DCLK1: variants seen among roughly 807,000 people sequenced by gnomAD.
The protein encoded by DCLK1 is serine/threonine-protein kinase DCLK1.
In DCLK1, 16 loss-of-function variants were observed where a neutral mutation model predicts 86.2. The observed-to-expected ratio is 0.19, with a 90% CI of 0.13 to 0.28. The LOEUF (loss-of-function observed/expected upper bound fraction) is 0.28, where lower values mean the gene tolerates loss of function less well. DCLK1 is among the 10% of genes least tolerant of loss of function. DCLK1 has a pLI of 1.00. For synonymous variants in DCLK1, 369 were observed against 370.5 expected (o/e 1.00, Z 0.05); for missense variants, 590 against 940.2 (o/e 0.63, Z 4.87).
At chr13:35,807,688 A>G (rs2087055898) in intron 14 of DCLK1, among the ~76,000 whole-genome samples, 1 of 152,236 alleles carries the variant, frequency 6.6e-6, no homozygotes, top group African/African-American at 2.4e-5. Context: ...AGACATGCCT[A>G]CTTATTTATA....
intron 3 of DCLK1, among the ~76,000 whole-genome samples, chr13:36,079,843 G>A (rs1412952025): frequency 1.3e-5 from 2 of 152,204 alleles, no homozygotes; most frequent in Non-Finnish European, 2.9e-5. Context: ...GACTTGTGAT[G>A]CTGCACATAG....
chr13:36,071,109 G>A (rs1416114557), intron 3 of DCLK1, among the ~76,000 whole-genome samples: 1 of 151,940 alleles, frequency 6.6e-6, no homozygotes, highest in Non-Finnish European at 1.5e-5. Context: ...TCTTCTGCTT[G>A]TAGCATTTTA....
intron 3 of DCLK1, among the ~76,000 whole-genome samples, chr13:36,005,733 C>T (rs1342730789): frequency 1.3e-5 from 2 of 152,262 alleles, no homozygotes; most frequent in South Asian, 2.1e-4. Context: ...ATTAGCAGCA[C>T]TATTTCCAAT....
intron 6 of DCLK1, among the ~76,000 whole-genome samples, chr13:35,844,825 G>A (rs1870058024): frequency 6.6e-6 from 1 of 152,148 alleles, no homozygotes; most frequent in Non-Finnish European, 1.5e-5. Flanking sequence ...GATCATTGCT[G>A]TGGACATTTA....
chr13:35,826,003 G>A lies in DCLK1; in HGVS notation c.1407+1632C>T, dbSNP rs371955868. 4.0e-5 allele frequency among the ~76,000 whole-genome samples: 6 copies of A among 151,604 alleles called. No homozygotes were observed. The East Asian group carries it at 1.0e-3, about 25-fold the overall frequency. On this transcript the variant is annotated intron_variant, in intron 10 of 16. Coordinates refer to ENST00000360631, the MANE Select transcript of DCLK1 (RefSeq NM_001330071.2). ...AATTTTTTGTATTTTTAGTAGAGAC[G>A]GGGTTTCACCATGTTGGCCAGGATG...
chr13:35,915,947 A>G (rs1875378948), intron 4 of DCLK1, among the ~76,000 whole-genome samples: 1 of 152,204 alleles, frequency 6.6e-6, no homozygotes, highest in Admixed American at 6.5e-5. Flanking sequence ...GCAAAGAAGA[A>G]TAAGAGTAAG....
chr13:35,994,952 G>A (rs549438471), intron 3 of DCLK1, among the ~76,000 whole-genome samples: 3 of 152,328 alleles, frequency 2.0e-5, no homozygotes, highest in African/African-American at 7.2e-5. Flanking sequence ...CCATCATTAA[G>A]GTTCATTCAA....
At chr13:35,847,672 T>A in intron 6 of DCLK1, 1 of 767,484 alleles carries the variant, frequency 1.3e-6, no homozygotes, top group East Asian at 1.8e-4. Context: ...AGCCCAATCA[T>A]GTATAGATCT....
chr13:35,815,389 C>T (rs2087245037), intron 11 of DCLK1, among the ~76,000 whole-genome samples: 2 of 152,178 alleles, frequency 1.3e-5, no homozygotes, highest in African/African-American at 4.8e-5. Context: ...GCACTAAAAG[C>T]TGACTAATGT....
chr13:35,796,013 A>G (rs887421998), intron 15 of DCLK1, among the ~76,000 whole-genome samples: 6 of 152,100 alleles, frequency 3.9e-5, no homozygotes, highest in Non-Finnish European at 7.4e-5. Flanking sequence ...GTTGGACAAT[A>G]GCGTTTGGGA....
intron 3 of DCLK1, among the ~76,000 whole-genome samples, chr13:36,067,969 G>A (rs1454228635): frequency 6.6e-6 from 1 of 152,078 alleles, no homozygotes; most frequent in Non-Finnish European, 1.5e-5. Flanking sequence ...CTACATATTA[G>A]GGAGCAAAAA....
chr13:35,854,305 T>A (rs1371574469), intron 6 of DCLK1, among the ~76,000 whole-genome samples, 194 bp downstream of exon 6: 2 of 152,164 alleles, frequency 1.3e-5, no homozygotes, highest in African/African-American at 2.4e-5. Flanking sequence ...AGAGTTAAGA[T>A]TTGGACAAGG....
intron 3 of DCLK1, among the ~76,000 whole-genome samples, chr13:36,108,075 T>TA (rs11297157): frequency 1.7e-3 from 247 of 148,526 alleles, no homozygotes; most frequent in Admixed American, 2.3e-3. Flanking sequence ...GGCCCAGATT[T>TA]AAAAAAAAAA....
chr13:36,000,605 G>A (rs985649806), intron 3 of DCLK1, among the ~76,000 whole-genome samples: 3 of 152,052 alleles, frequency 2.0e-5, no homozygotes, highest in Non-Finnish European at 2.9e-5. Flanking sequence ...GTCATCGAAA[G>A]CAACCTAACT....
rs540715942 is a variant in DCLK1 at position 35,998,130 on chromosome 13, A to T, written c.724-50673T>A. 2.5e-3 allele frequency among the ~76,000 whole-genome samples: 373 copies of T among 152,234 alleles called. 3 individuals are homozygous for T. The highest frequency in any genetic ancestry group is 8.5e-3 in the African/African-American group (352 of 41,554). ...TCAACTGCCCTAAAATTTTAACATA[A>T]TTTTTTAAATTCTGAATAAAATTAA... On this transcript the variant is annotated intron_variant, in intron 3 of 16. Coordinates refer to ENST00000360631, the MANE Select transcript of DCLK1 (RefSeq NM_001330071.2).
In DCLK1 at chr13:36,126,170, A is replaced by C; in HGVS notation, c.-19-14T>G. 1 of 1,534,968 alleles carries C rather than the reference A, an allele frequency of 6.5e-7. No homozygotes were observed. The highest frequency in any genetic ancestry group is 8.7e-7 in the Non-Finnish European group (1 of 1,148,130). Reference sequence around the variant, plus strand: ...TTCAAGTAGGACCTACGAGCCCCAGAAACAAAAGCAGACACACATATTGAT... The same window carrying C: ...TTCAAGTAGGACCTACGAGCCCCAGCAACAAAAGCAGACACACATATTGAT... On this transcript the variant is annotated splice_polypyrimidine_tract_variant and intron_variant, in intron 1 of 16. Coordinates refer to ENST00000360631, the MANE Select transcript of DCLK1 (RefSeq NM_001330071.2).
At chr13:36,004,220 T>A (rs1424368319) in intron 3 of DCLK1, among the ~76,000 whole-genome samples, 1 of 152,218 alleles carries the variant, frequency 6.6e-6, no homozygotes, top group African/African-American at 2.4e-5. Context: ...GATCACAAAA[T>A]GATTCCACTG....
At chr13:35,832,874 A>T (rs1869065792) in intron 8 of DCLK1, among the ~76,000 whole-genome samples, 1 of 152,210 alleles carries the variant, frequency 6.6e-6, no homozygotes, top group Non-Finnish European at 1.5e-5. Context: ...GAAGAACAGT[A>T]ATCCACTAGC....
At chr13:36,039,390 G>A (rs1023314203) in intron 3 of DCLK1, among the ~76,000 whole-genome samples, 1 of 152,144 alleles carries the variant, frequency 6.6e-6, no homozygotes, top group African/African-American at 2.4e-5. Flanking sequence ...TGGCTGAAAT[G>A]TTTCACTCTT....
Sources: gnomAD v4.1 joint callset for allele counts (sites outside exome capture counted in the v4.1 genomes callset) on GRCh38, gnomAD v4.1.1 for gene constraint, MANE v1.5 for transcripts, NCBI Gene and HGNC (gene_info 2026-07-23, HGNC 2026-07-21) for gene names.